Variants in KIF5B observed in about 807,000 individuals in gnomAD.
KIF5B encodes kinesin-1 heavy chain.
Under a neutral mutation model 132.8 loss-of-function variants are expected in KIF5B, and 49 were observed. That is an observed-to-expected ratio of 0.37 (90% CI 0.29 to 0.47). The LOEUF (loss-of-function observed/expected upper bound fraction) is 0.47. KIF5B is among the 20% of genes least tolerant of loss of function. The pLI is 1.00. For missense variants in KIF5B, 780 were observed against 1,144.0 expected, an observed-to-expected ratio of 0.68 and a Z score of 4.59; for synonymous variants, 355 against 369.4, an observed-to-expected ratio of 0.96 and a Z score of 0.45.
chr10:32,020,926 T>G (rs1319020718), intron 19 of KIF5B, 96 bp downstream of exon 19: 4 of 603,464 alleles, frequency 6.6e-6, no homozygotes, highest in Non-Finnish European at 1.1e-5. Context: ...GATAAAAATG[T>G]AATTTTGATG....
chr10:32,028,120 TGCC>T (rs1052962981), intron 15 of KIF5B, among the ~76,000 whole-genome samples: 60 of 152,204 alleles, frequency 3.9e-4, no homozygotes, highest in African/African-American at 1.4e-3. Context: ...CACGCCACCA[TGCC>T]AGGCTCATTT....
intron 15 of KIF5B, among the ~76,000 whole-genome samples, chr10:32,027,050 T>C (rs1415584630): frequency 6.6e-6 from 1 of 152,256 alleles, no homozygotes; most frequent in Non-Finnish European, 1.5e-5. Flanking sequence ...TTTTTCTTCA[T>C]TTTTAAACTG....
At position 32,018,081 on chromosome 10, in the gene KIF5B, G is replaced by C; in HGVS notation, c.2515C>G (p.Leu839Val). 1 of 1,609,146 alleles carries C rather than the reference G, an allele frequency of 6.2e-7. No individual in the cohort carries two copies. The highest frequency in any genetic ancestry group is 1.1e-5 in the South Asian group (1 of 90,794). ...KQKISFLENN[L>V]EQLTKVHKQL... ...TTGTGCACTTTAGTGAGCTGTTCAAGATTATTTTCAAGAAAGGAGATTTTT... is the reference window on the plus strand; with the variant it reads ...TTGTGCACTTTAGTGAGCTGTTCAACATTATTTTCAAGAAAGGAGATTTTT... The change falls in exon 23 of 26, where the codon CTT becomes GTT. Residue 839 changes from leucine to valine, a missense_variant. Leu to Val is a conservative substitution (Grantham distance 32). Around this residue, in one of 9 missense-constraint regions of KIF5B, gnomAD observed 32 missense variants for 71.1 expected, o/e 0.45. Transcript: ENST00000302418.
chr10:32,037,008 T>A (rs1391501245), intron 8 of KIF5B, among the ~76,000 whole-genome samples: 1 of 152,208 alleles, frequency 6.6e-6, no homozygotes, highest in South Asian at 2.1e-4. Context: ...CAGTTCTCAC[T>A]ATGAACATAT....
rs188549843 is a variant in KIF5B at position 32,012,452 on chromosome 10, A to G, written c.*21-936T>C. Among the ~76,000 whole-genome samples the G allele has an allele frequency of 5.9e-5, 9 of 152,320 alleles. No individual in the cohort carries two copies. The East Asian group carries it at 1.7e-3, about 29-fold the overall frequency. On this transcript the variant is annotated intron_variant, in intron 25 of 25. Transcript: ENST00000302418. The stretch of plus-strand genomic sequence containing the variant: ...GATCCTGCCACTGCACTCCAGTGCA[A>G]ATTATTTAACATTTAAACAATTTAT...
chr10:32,026,437 CAAAAAAAAAAA>C lies in KIF5B; in HGVS notation c.1725+1980_1725+1990del, dbSNP rs71027049. 3.1e-4 allele frequency among the ~76,000 whole-genome samples: 15 copies of C among 48,920 alleles called. 1 individual carries two copies. The highest frequency in any genetic ancestry group is 4.9e-4 in the Non-Finnish European group (14 of 28,304). 32.1% of individuals were successfully genotyped at this position (48,920 alleles called of 152,430 possible). A position where few individuals can be genotyped will look rare whatever the true frequency, so the allele number is the denominator to read the frequency against. Reference sequence around the variant, plus strand: ...TGGGAGACACAGTGAGATTCCGTCTCAAAAAAAAAAAAAAAAAAAAAAAAGTAACGCTCTAA... The same window carrying C: ...TGGGAGACACAGTGAGATTCCGTCTCAAAAAAAAAAAAAGTAACGCTCTAA... On this transcript the variant is annotated intron_variant, in intron 15 of 25. Transcript: ENST00000302418.
chr10:32,022,697 A>G (rs1200884463), intron 16 of KIF5B, 151 bp downstream of exon 16: 8 of 560,988 alleles, frequency 1.4e-5, no homozygotes, highest in Non-Finnish European at 2.2e-5. Flanking sequence ...AATATAACTC[A>G]GTTAAATCAT....
chr10:32,045,541 C>A (rs186406651), intron 2 of KIF5B, among the ~76,000 whole-genome samples: 3 of 152,266 alleles, frequency 2.0e-5, no homozygotes, highest in Admixed American at 2.0e-4. Flanking sequence ...AGGAGGATTA[C>A]GTTCCAGGGA....
chr10:32,042,202 G>GA (rs576602273), intron 2 of KIF5B, among the ~76,000 whole-genome samples: 113 of 149,492 alleles, frequency 7.6e-4, no homozygotes, highest in African/African-American at 1.7e-3. Flanking sequence ...ATTTTAAAAA[G>GA]AAAAAAAAAC....
In KIF5B at chr10:32,037,377, A is replaced by T; in HGVS notation, c.588T>A (p.Asn196Lys). ...GACTCCTAGAGCTATGTTCATTCAT[A>T]TCTGCAAGGAAATTACACAAACAAA... Reference protein sequence around the residue: ...GKSNRHVAVTNMNEHSSRSHS... With the variant: ...GKSNRHVAVTKMNEHSSRSHS... The change falls in exon 8 of 26, where the codon AAT becomes AAA. Residue 196 changes from asparagine (N) to lysine (K), a missense_variant and splice_region_variant. By Grantham distance (94) the Asn-to-Lys change is moderately conservative. Transcript: ENST00000302418. The T allele has an allele frequency of 6.2e-7, 1 of 1,609,788 alleles. No homozygotes were observed. The highest frequency in any genetic ancestry group is 8.5e-7 in the Non-Finnish European group (1 of 1,178,520).
chr10:32,032,011 C>CAA (rs1841409535), intron 13 of KIF5B, among the ~76,000 whole-genome samples: 1 of 150,056 alleles, frequency 6.7e-6, no homozygotes, highest in Non-Finnish European at 1.5e-5. Flanking sequence ...AAAACAAAAA[C>CAA]AAAACCTGGT....
chr10:32,016,019 C>G (rs1841154721), intron 24 of KIF5B, among the ~76,000 whole-genome samples: 1 of 151,994 alleles, frequency 6.6e-6, no homozygotes, highest in African/African-American at 2.4e-5. Flanking sequence ...TGGCGTGCAC[C>G]TGTAGTCCCA....
chr10:32,024,146 C>CCT (rs1554800857), intron 15 of KIF5B, among the ~76,000 whole-genome samples: 14,231 of 70,124 alleles, frequency 0.2, 2,231 homozygotes, highest in Non-Finnish European at 0.27. Context: ...ATGAAGAACT[C>CCT]TTTTTTTTTT....
At chr10:32,021,152 A>G (rs200447120) in intron 18 of KIF5B, 21 bp from the exon 19 acceptor site, 34 of 1,606,692 alleles carry the variant, frequency 2.1e-5, no homozygotes, top group Non-Finnish European at 2.6e-5. Flanking sequence ...GGGGGGGAAA[A>G]GGATGTTAAA....
In KIF5B at chr10:32,034,761, TC is replaced by T; in HGVS notation, c.1039del (p.Glu347LysfsTer64). 1 of 1,611,124 alleles carries T rather than the reference TC, an allele frequency of 6.2e-7. No individual in the cohort carries two copies. On this transcript the variant is annotated frameshift_variant, in exon 11 of 26. Coordinates refer to ENST00000302418, the MANE Select transcript of KIF5B (RefSeq NM_004521.3). LOFTEE classifies it high-confidence loss of function. ...AEQWKKKYEK[E>X]KEKNKILRNT... ...CCGCAGGATCTTATTTTTTTCTTTT[TC>T]TTTTTCATACTTCTTTTTCCACTGT...
intron 9 of KIF5B, 39 bp from the exon 10 acceptor site, chr10:32,035,706 A>G (rs768999558): frequency 1.3e-6 from 2 of 1,555,940 alleles, no homozygotes; most frequent in Non-Finnish European, 1.7e-6. Context: ...AGACCAGTAT[A>G]ATAAAATGTT....
At chr10:32,047,260 A>G (rs1306050060) in intron 2 of KIF5B, among the ~76,000 whole-genome samples, 1 of 152,064 alleles carries the variant, frequency 6.6e-6, no homozygotes, top group Non-Finnish European at 1.5e-5. Context: ...ACAACCCACT[A>G]ATGTTACCAC....
intron 5 of KIF5B, among the ~76,000 whole-genome samples, chr10:32,038,422 C>T (rs1158971999): frequency 6.6e-6 from 1 of 152,168 alleles, no homozygotes; most frequent in Non-Finnish European, 1.5e-5. Context: ...TTTAGGACCA[C>T]TCCAACCTAC....
At chr10:32,042,927 G>A (rs1294970474) in intron 2 of KIF5B, among the ~76,000 whole-genome samples, 1 of 152,076 alleles carries the variant, frequency 6.6e-6, no homozygotes, top group African/African-American at 2.4e-5. Context: ...CAATGAGTCA[G>A]GTTCTAACCA....
Sources: gnomAD v4.1 joint callset for allele counts (sites outside exome capture counted in the v4.1 genomes callset) on GRCh38, gnomAD v4.1.1 for gene constraint, gnomAD v4.1.1 regional missense constraint, MANE v1.5 for transcripts, NCBI Gene and HGNC (gene_info 2026-07-23, HGNC 2026-07-21) for gene names.